EDIL3: variants seen among roughly 807,000 people sequenced by gnomAD.
EDIL3 encodes the protein EGF like and discoidin domains 3, also known as EGF-like repeat and discoidin I-like domain-containing protein 3.
A neutral mutation model predicts 67.4 loss-of-function variants in EDIL3; 37 were observed. The observed-to-expected ratio is 0.55, with a 90% CI of 0.42 to 0.72. EDIL3 has a LOEUF of 0.72. Ranked by LOEUF, EDIL3 falls within the 30% of genes least tolerant of loss-of-function variation. EDIL3 has a pLI of 0.00. For synonymous variants in EDIL3, 195 were observed against 196.3 expected, an observed-to-expected ratio of 0.99 and a Z score of 0.05; for missense variants, 527 against 586.3, an observed-to-expected ratio of 0.90 and a Z score of 1.04.
chr5:84,363,848 G>A (rs1747671147), intron 1 of EDIL3, among the ~76,000 whole-genome samples: 1 of 151,954 alleles, frequency 6.6e-6, no homozygotes, highest in East Asian at 1.9e-4. Flanking sequence ...GAGAAATCAG[G>A]GAAATATGGG....
At chr5:84,198,235 T>G (rs2112375175) in intron 3 of EDIL3, among the ~76,000 whole-genome samples, 1 of 151,014 alleles carries the variant, frequency 6.6e-6, no homozygotes, top group African/African-American at 2.4e-5. Flanking sequence ...TAGTTGTATG[T>G]GGGTCAAGGC....
At position 83,942,619 on chromosome 5, in the gene EDIL3, T is replaced by C. The variant is rs146565284; in HGVS notation, c.*800A>G. The C allele has an allele frequency of 4.1e-4, 63 of 152,178 alleles. No homozygotes were observed. The highest frequency in any genetic ancestry group is 1.5e-3 in the African/African-American group (62 of 41,570). The allele number at this position is 152,178 out of a possible 1,614,324, so 9.4% of individuals were successfully genotyped here. On this transcript the variant is annotated 3_prime_UTR_variant, in exon 11 of 11. Coordinates refer to ENST00000296591, the MANE Select transcript of EDIL3 (RefSeq NM_005711.5). The stretch of plus-strand genomic sequence containing the variant: ...ATGAAGCAATTATTTGGAAATTAAA[T>C]AGTTATGGCTTCCTTCAAAAATAAA...
chr5:84,187,206 T>G (rs2112363748), intron 3 of EDIL3, among the ~76,000 whole-genome samples: 1 of 152,182 alleles, frequency 6.6e-6, no homozygotes, highest in Admixed American at 6.6e-5. Flanking sequence ...AGGCATTTTT[T>G]ATGCAAGCTC....
intron 3 of EDIL3, among the ~76,000 whole-genome samples, chr5:84,215,161 C>T (rs1744202329): frequency 6.6e-6 from 1 of 152,140 alleles, no homozygotes; most frequent in African/African-American, 2.4e-5. Flanking sequence ...GGAGGGGATT[C>T]AGTCGAGAAC....
At chr5:84,094,260 T>C (rs1747220853) in intron 6 of EDIL3, among the ~76,000 whole-genome samples, 1 of 152,110 alleles carries the variant, frequency 6.6e-6, no homozygotes, top group Non-Finnish European at 1.5e-5. Context: ...ACAATTCAAA[T>C]AGAAATCATA....
intron 1 of EDIL3, among the ~76,000 whole-genome samples, chr5:84,282,684 A>T (rs1745727760): frequency 6.6e-6 from 1 of 152,198 alleles, no homozygotes; most frequent in Admixed American, 6.5e-5. Flanking sequence ...TTTTTCAAGC[A>T]GTGGTATCTA....
At chr5:84,302,551 C>A (rs1695915952) in intron 1 of EDIL3, among the ~76,000 whole-genome samples, 1 of 152,202 alleles carries the variant, frequency 6.6e-6, no homozygotes, top group Non-Finnish European at 1.5e-5. Flanking sequence ...CTGCCTCGGC[C>A]TCGCAAAGTG....
intron 2 of EDIL3, among the ~76,000 whole-genome samples, chr5:84,237,279 A>C (rs868116139): frequency 3.9e-5 from 6 of 152,246 alleles, no homozygotes; most frequent in Middle Eastern, 6.8e-3. Context: ...AAAAGTAATG[A>C]ATTGATCAGC....
intron 8 of EDIL3, among the ~76,000 whole-genome samples, chr5:84,061,622 T>G (rs1489771796): frequency 2.0e-5 from 3 of 152,154 alleles, no homozygotes; most frequent in Non-Finnish European, 4.4e-5. Context: ...ATTTAACAAC[T>G]TTCTACCTAA....
chr5:84,032,068 T>C (rs1745934688), intron 9 of EDIL3, among the ~76,000 whole-genome samples: 1 of 152,144 alleles, frequency 6.6e-6, no homozygotes, highest in African/African-American at 2.4e-5. Context: ...CATTCCCCAT[T>C]TAATTAAAAA....
intron 10 of EDIL3, among the ~76,000 whole-genome samples, chr5:83,958,453 CAG>C (rs2112124657): frequency 6.6e-6 from 1 of 151,534 alleles, no homozygotes; most frequent in South Asian, 2.1e-4. Flanking sequence ...TTATTGGAAA[CAG>C]GGGATTTTGT....
At chr5:84,145,765 C>T (rs1221915854) in intron 4 of EDIL3, among the ~76,000 whole-genome samples, 1 of 151,962 alleles carries the variant, frequency 6.6e-6, no homozygotes, top group African/African-American at 2.4e-5. Flanking sequence ...AGTGTCCATG[C>T]AAATATTTGA....
chr5:84,137,218 C>CAT (rs112614231), intron 5 of EDIL3, 23 bp downstream of exon 5: 16 of 1,496,556 alleles, frequency 1.1e-5, no homozygotes, highest in African/African-American at 2.8e-5. Flanking sequence ...CACACACACA[C>CAT]ATACACACAC....
intron 4 of EDIL3, among the ~76,000 whole-genome samples, chr5:84,170,674 A>G (rs926887329): frequency 6.6e-6 from 1 of 152,198 alleles, no homozygotes; most frequent in African/African-American, 2.4e-5. Context: ...CTTTGGCTAC[A>G]AGGCCTAGGA....
At chr5:83,970,845 G>A (rs756221215) in intron 9 of EDIL3, among the ~76,000 whole-genome samples, 2 of 151,266 alleles carry the variant, frequency 1.3e-5, no homozygotes, top group Non-Finnish European at 3.0e-5. Flanking sequence ...AAGGTTTCTT[G>A]TATTGCTTTG....
In EDIL3 at chr5:84,141,952, GATCTATCTATCTATCT is replaced by G. The variant is rs70975543; in HGVS notation, c.356-4614_356-4599del. Among the ~76,000 whole-genome samples, 668 of 108,394 alleles carry G rather than the reference GATCTATCTATCTATCT, an allele frequency of 6.2e-3. 17 individuals carry two copies. The highest frequency in any genetic ancestry group is 0.049 in the East Asian group (172 of 3,510). 71.1% of individuals were successfully genotyped at this position (108,394 alleles called of 152,430 possible). ...ATATATATATATATATATATACATA[GATCTATCTATCTATCT>G]ATCTATCTATCTATCTATCTATCTA... On this transcript the variant is annotated intron_variant, in intron 4 of 10. Coordinates refer to ENST00000296591, the MANE Select transcript of EDIL3 (RefSeq NM_005711.5).
chr5:84,277,478 TTTATA>T (rs1412480506), intron 1 of EDIL3, among the ~76,000 whole-genome samples: 18 of 152,184 alleles, frequency 1.2e-4, no homozygotes, highest in Non-Finnish European at 2.1e-4. Flanking sequence ...TATTTGCTAT[TTTATA>T]TTATATTAAG....
intron 9 of EDIL3, among the ~76,000 whole-genome samples, chr5:83,967,152 C>T (rs948438225): frequency 4.6e-5 from 7 of 151,908 alleles, no homozygotes; most frequent in African/African-American, 7.2e-5. Context: ...AAAACCCCAC[C>T]TCTACAAAAA....
intron 1 of EDIL3, among the ~76,000 whole-genome samples, chr5:84,341,972 T>C (rs984565579): frequency 6.6e-6 from 1 of 152,038 alleles, no homozygotes; most frequent in Non-Finnish European, 1.5e-5. Context: ...GCTATGGCCA[T>C]AGACCTACCA....
Sources: gnomAD v4.1 joint callset for allele counts (sites outside exome capture counted in the v4.1 genomes callset) on GRCh38, gnomAD v4.1.1 for gene constraint, MANE v1.5 for transcripts, NCBI Gene and HGNC (gene_info 2026-07-23, HGNC 2026-07-21) for gene names.